Variants in AHRR observed in about 807,000 individuals in gnomAD.
The protein encoded by AHRR is ahR repressor.
AHRR carries 28 observed loss-of-function variants against 44.0 expected under a neutral mutation model. That is an observed-to-expected ratio of 0.64 (90% confidence interval 0.47 to 0.87). The LOEUF is 0.87. Among genes scored for constraint, AHRR ranks in the 40% least tolerant of loss-of-function variants. AHRR has a pLI of 0.00. For synonymous variants in AHRR, 434 were observed against 407.0 expected (o/e 1.07, Z -0.80); for missense variants, 990 against 953.9 (o/e 1.04, Z -0.50).
chr5:399,132 G>A (rs1363717936), intron 4 of AHRR, among the ~76,000 whole-genome samples: 1 of 152,374 alleles, frequency 6.6e-6, no homozygotes, highest in African/African-American at 2.4e-5. Flanking sequence ...TCTCCTGGGT[G>A]TGGAGCCGCA....
rs761019705 is a variant in AHRR at position 434,471 on chromosome 5, C to T, written c.1731C>T (p.Asp577=). 6.2e-7 allele frequency: 1 copy of T among 1,613,468 alleles called. No homozygotes were observed. Among genetic ancestry groups the T allele is most frequent in the Non-Finnish European group, 8.5e-7 (1 of 1,180,008 alleles). ...PTRMHLKTEP[D]SRQQVYISHL... ...GGATGCACCTGAAAACAGAGCCAGA[C>T]TCTCGGCAACAGGTGTACATCTCGC... Residue 577 remains aspartate (D), a synonymous_variant, in exon 11 of 11, where the codon GAC becomes GAT. Coordinates refer to ENST00000684583, the MANE Select transcript of AHRR (RefSeq NM_001377236.1).
At chr5:325,473 T>C (rs1435091592) in intron 1 of AHRR, among the ~76,000 whole-genome samples, 1 of 152,204 alleles carries the variant, frequency 6.6e-6, no homozygotes, top group Non-Finnish European at 1.5e-5. Flanking sequence ...GCAGTTCTGA[T>C]GGGATGTCCT....
Position 338,774 on chromosome 5 carries a change from G to A in AHRR, c.-10-5119G>A, listed in dbSNP as rs1742228032. On this transcript the variant is annotated intron_variant, in intron 1 of 10. Transcript: ENST00000684583. The surrounding 1 kb of genome is among the most constrained non-coding windows in gnomAD (Gnocchi z 4.1). ...TGTAATTTTCCTGTTTCTTGTGCTT[G>A]GAGCTCACTGAGCTTCTTGGGTCTG... 6.6e-6 allele frequency among the ~76,000 whole-genome samples: 1 copy of A among 152,160 alleles called. No individual in the cohort carries two copies. Among genetic ancestry groups the A allele is most frequent in the Non-Finnish European group, 1.5e-5 (1 of 68,042 alleles).
chr5:422,913 C>T (rs1736200261), intron 6 of AHRR, 55 bp downstream of exon 6: 2 of 1,544,256 alleles, frequency 1.3e-6, no homozygotes, highest in Non-Finnish European at 1.7e-6. Context: ...TCCCATAACA[C>T]ATCGCTGCCT....
intron 5 of AHRR, among the ~76,000 whole-genome samples, chr5:420,149 G>A (rs1217358573): frequency 6.6e-6 from 1 of 152,238 alleles, no homozygotes; most frequent in Admixed American, 6.5e-5. Context: ...TGGAGGAGAA[G>A]GGGGTTTTGA....
intron 1 of AHRR, among the ~76,000 whole-genome samples, chr5:331,067 G>C (rs531952450): frequency 6.6e-6 from 1 of 151,792 alleles, no homozygotes; most frequent in African/African-American, 2.4e-5. Context: ...AGTAGAGACG[G>C]GCTTTCACCA....
intron 4 of AHRR, among the ~76,000 whole-genome samples, chr5:397,254 ATCCACGTAGCTCCTGACCG>A (rs1734761899): frequency 2.5e-3 from 179 of 70,586 alleles, no homozygotes; most frequent in African/African-American, 0.017. Flanking sequence ...GCCCCTGACC[ATCCACGTAGCTCCTGACCG>A]TCCATGTTAG....
intron 3 of AHRR, among the ~76,000 whole-genome samples, chr5:363,082 C>T (rs758330417): frequency 2.0e-5 from 3 of 152,244 alleles, no homozygotes; most frequent in African/African-American, 7.2e-5. Flanking sequence ...ACATGTCTTC[C>T]GCATGTGAAC....
intron 10 of AHRR, among the ~76,000 whole-genome samples, chr5:433,374 C>T (rs542435149): frequency 1.3e-4 from 20 of 152,336 alleles, no homozygotes; most frequent in African/African-American, 4.6e-4. Context: ...CCCACAGGCC[C>T]CTCCCCACTC....
intron 4 of AHRR, among the ~76,000 whole-genome samples, chr5:408,732 C>G (rs1735366347): frequency 6.6e-6 from 1 of 152,098 alleles, no homozygotes; most frequent in Non-Finnish European, 1.5e-5. Flanking sequence ...ACTTTCTATG[C>G]TCTGGAACAA....
intron 3 of AHRR, among the ~76,000 whole-genome samples, chr5:365,224 T>G (rs1253664195): frequency 6.6e-6 from 1 of 152,082 alleles, no homozygotes; most frequent in Non-Finnish European, 1.5e-5. Flanking sequence ...CGCATGGAAC[T>G]GGTAAATATA....
intron 2 of AHRR, among the ~76,000 whole-genome samples, chr5:350,482 G>C (rs1005872370): frequency 2.0e-5 from 3 of 152,156 alleles, no homozygotes; most frequent in Admixed American, 1.3e-4. Context: ...GGGCTTCTAG[G>C]CTTCTCGTAT....
At chr5:369,099 A>G (rs1743474125) in intron 3 of AHRR, among the ~76,000 whole-genome samples, 1 of 152,148 alleles carries the variant, frequency 6.6e-6, no homozygotes, top group Admixed American at 6.5e-5. Context: ...AGCTGTAACT[A>G]AGGGTTTTGG....
At chr5:426,843 GGATA>G (rs1214492393) in intron 7 of AHRR, among the ~76,000 whole-genome samples, 52 of 147,990 alleles carry the variant, frequency 3.5e-4, no homozygotes, top group Admixed American at 1.7e-3. Context: ...GTGGAAACAT[GGATA>G]GATGGATGGA....
chr5:434,454 C>A lies in AHRR; in HGVS notation c.1714C>A (p.Leu572Met), dbSNP rs1208013629. Residue 572 changes from leucine to methionine, a missense_variant, in exon 11 of 11, where the codon CTG becomes ATG. Transcript: ENST00000684583. ...AGCCACCTTCCCTACCAGGATGCAC[C>A]TGAAAACAGAGCCAGACTCTCGGCA... is the stretch of plus-strand genomic sequence containing the variant. ...HPATFPTRMH[L>M]KTEPDSRQQV... 1 of 1,613,500 alleles carries A rather than the reference C, an allele frequency of 6.2e-7. No individual in the cohort carries two copies. The highest frequency in any genetic ancestry group is 1.1e-5 in the South Asian group (1 of 91,086).
chr5:375,499 G>A (rs1009328062), intron 3 of AHRR, among the ~76,000 whole-genome samples: 8 of 152,212 alleles, frequency 5.3e-5, no homozygotes, highest in Admixed American at 1.3e-4. Flanking sequence ...GTGCCACGCC[G>A]GGACCCCGGC....
chr5:370,391 C>A lies in AHRR; in HGVS notation c.245-6219C>A, dbSNP rs1040415039. Among the ~76,000 whole-genome samples, 4 of 152,204 alleles carry A rather than the reference C, an allele frequency of 2.6e-5. No homozygotes were observed. Among genetic ancestry groups the A allele is most frequent in the Non-Finnish European group, 5.9e-5 (4 of 68,034 alleles). ...TCGGGGAAGGGTTGGATGGGCGTCCCAGGCTTCTCAGAGCATCCCATCCAA... is the reference window on the plus strand; with the variant it reads ...TCGGGGAAGGGTTGGATGGGCGTCCAAGGCTTCTCAGAGCATCCCATCCAA... On this transcript the variant is annotated intron_variant, in intron 3 of 10. Coordinates refer to ENST00000684583, the MANE Select transcript of AHRR (RefSeq NM_001377236.1). The surrounding 1 kb of genome is among the most constrained non-coding windows in gnomAD (Gnocchi z 4.5).
Position 434,669 on chromosome 5 carries a change from C to G in AHRR, c.1929C>G (p.Ser643=). ...GTGCACGGGGCCGAGGTGAACAGTC[C>G]TGCACCTGCAGAGCTGCTGAGGCCG... is the stretch of plus-strand genomic sequence containing the variant. The part of the protein sequence containing the change: ...QLCARGRGEQ[S]CTCRAAEAAP... Residue 643 remains serine (S), a synonymous_variant, in exon 11 of 11, where the codon TCC becomes TCG. Coordinates refer to ENST00000684583, the MANE Select transcript of AHRR (RefSeq NM_001377236.1). 1 of 1,568,180 alleles carries G rather than the reference C, an allele frequency of 6.4e-7. No individual in the cohort carries two copies. The highest frequency in any genetic ancestry group is 8.6e-7 in the Non-Finnish European group (1 of 1,156,438).
chr5:420,557 G>A (rs1736030183), intron 5 of AHRR, among the ~76,000 whole-genome samples: 1 of 152,218 alleles, frequency 6.6e-6, no homozygotes, highest in Non-Finnish European at 1.5e-5. Flanking sequence ...ACAGCTTCAG[G>A]GCATGATGGA....
Sources: gnomAD v4.1 joint callset for allele counts (sites outside exome capture counted in the v4.1 genomes callset) on GRCh38, gnomAD v4.1.1 for gene constraint, Gnocchi (gnomAD v3.1) non-coding constraint, MANE v1.5 for transcripts, NCBI Gene and HGNC (gene_info 2026-07-23, HGNC 2026-07-21) for gene names.